MECOM: variants seen among roughly 807,000 people sequenced by gnomAD.
MECOM encodes histone-lysine N-methyltransferase MECOM.
In MECOM, 13 loss-of-function variants were observed where a neutral mutation model predicts 116.3. The observed-to-expected ratio is 0.11, with a 90% CI of 0.07 to 0.18. MECOM has a LOEUF of 0.18. Ranked by LOEUF, MECOM falls within the 10% of genes least tolerant of loss-of-function variation. The pLI is 1.00. For missense variants in MECOM, 1,299 were observed against 1,509.0 expected (o/e 0.86, Z 2.31); for synonymous variants, 528 against 535.2 (o/e 0.99, Z 0.19).
At chr3:169,496,839 T>C (rs973350396) in intron 1 of MECOM, among the ~76,000 whole-genome samples, 1 of 152,192 alleles carries the variant, frequency 6.6e-6, no homozygotes, top group African/African-American at 2.4e-5. Flanking sequence ...TTTCTAAACA[T>C]ATGGTAATGA....
At chr3:169,275,369 C>T (rs929790980) in intron 2 of MECOM, among the ~76,000 whole-genome samples, 3 of 152,154 alleles carry the variant, frequency 2.0e-5, no homozygotes, top group Non-Finnish European at 4.4e-5. Flanking sequence ...GATATTTATA[C>T]ACATTTTTAT....
intron 2 of MECOM, among the ~76,000 whole-genome samples, chr3:169,226,146 C>G (rs1391437224): frequency 6.6e-6 from 1 of 152,208 alleles, no homozygotes; most frequent in Non-Finnish European, 1.5e-5. Flanking sequence ...AAAGTATTCT[C>G]TCACCACCCC....
chr3:169,530,026 T>G (rs1013290131), intron 1 of MECOM, among the ~76,000 whole-genome samples: 10 of 152,220 alleles, frequency 6.6e-5, no homozygotes, highest in African/African-American at 2.4e-4. Flanking sequence ...CAAATTGGTA[T>G]GAAGAACAAA....
rs1037703519 is a variant in MECOM at position 169,474,026 on chromosome 3, G to A, written c.38-92502C>T. ...CAGGACAGATTGGGTCAGTAGCTTA[G>A]GTAGAAATGGTCCAGGTTTGAGAAT... is the stretch of plus-strand genomic sequence containing the variant. On this transcript the variant is annotated intron_variant, in intron 1 of 16. Coordinates refer to ENST00000651503, the MANE Select transcript of MECOM (RefSeq NM_004991.4). 9.9e-5 allele frequency among the ~76,000 whole-genome samples: 15 copies of A among 152,206 alleles called. No individual in the cohort carries two copies. The East Asian group carries it at 1.5e-3, about 16-fold the overall frequency.
Position 169,344,855 on chromosome 3 carries a change from C to G in MECOM, c.375+36332G>C, listed in dbSNP as rs1413167006. ...TTCCTGTCAACCTTTGATCCCTTCA[C>G]CTGTATTAAAGGACAGCCAGAGGAA... On this transcript the variant is annotated intron_variant, in intron 2 of 16. Transcript: ENST00000651503. Among the ~76,000 whole-genome samples the G allele has an allele frequency of 2.6e-5, 4 of 152,214 alleles. No homozygotes were observed. In the East Asian group the frequency reaches 7.7e-4, roughly 29 times the overall value.
At chr3:169,421,737 T>C (rs1317364875) in intron 1 of MECOM, among the ~76,000 whole-genome samples, 2 of 152,126 alleles carry the variant, frequency 1.3e-5, no homozygotes, top group Admixed American at 1.3e-4. Context: ...TACAATTCTT[T>C]TCTGCATTAC....
intron 2 of MECOM, among the ~76,000 whole-genome samples, chr3:169,176,445 A>T (rs1432750245): frequency 6.6e-6 from 1 of 152,206 alleles, no homozygotes; most frequent in African/African-American, 2.4e-5. Context: ...CTCCTTCCTT[A>T]CACCTTATAC....
intron 1 of MECOM, among the ~76,000 whole-genome samples, chr3:169,412,546 A>C (rs1737732822): frequency 6.6e-6 from 1 of 152,062 alleles, no homozygotes; most frequent in African/African-American, 2.4e-5. Context: ...TTTTCATAGA[A>C]GGATTTTCCC....
intron 1 of MECOM, among the ~76,000 whole-genome samples, chr3:169,547,222 T>C (rs1258900073): frequency 6.6e-6 from 1 of 152,168 alleles, no homozygotes; most frequent in Non-Finnish European, 1.5e-5. Flanking sequence ...CTTCCCCCTT[T>C]GTGCTGTCTC....
rs1776597208 is a variant in MECOM, at chr3:169,663,482, C to G, written c.-110G>C. The G allele has an allele frequency of 5.9e-5, 6 of 102,396 alleles. No individual in the cohort carries two copies. The highest frequency in any genetic ancestry group is 9.2e-5 in the Non-Finnish European group (5 of 54,138). The allele number at this position is 102,396 out of a possible 1,614,324, so 6.3% of individuals were successfully genotyped here. A position where few individuals can be genotyped will look rare whatever the true frequency, so the allele number is the denominator to read the frequency against. On this transcript the variant is annotated 5_prime_UTR_variant, in exon 1 of 17. Transcript: ENST00000651503. ...CCCTCCCTCTCTCTCCTGTCTCTCT[C>G]TCTCTCTCTCTCTCTCTCTCTCTCT...
intron 2 of MECOM, chr3:169,146,363 T>C (rs1166754270): frequency 7.3e-7 from 1 of 1,364,234 alleles, no homozygotes; most frequent in Non-Finnish European, 9.7e-7. Context: ...AATTCAGATT[T>C]TGGCAACCGC....
At chr3:169,532,126 T>C (rs985109006) in intron 1 of MECOM, among the ~76,000 whole-genome samples, 4 of 152,246 alleles carry the variant, frequency 2.6e-5, no homozygotes, top group Non-Finnish European at 4.4e-5. Flanking sequence ...CCACTTTCCC[T>C]AGACCAGTGT....
chr3:169,093,086 C>G lies in MECOM; in HGVS notation c.3036G>C (p.Ser1012=). Residue 1012 remains serine (S), a synonymous_variant, in exon 14 of 17, where the codon TCG becomes TCC. Coordinates refer to ENST00000651503, the MANE Select transcript of MECOM (RefSeq NM_004991.4). ...CTGTACTTTCCAGTTCAGAATGAGG[C>G]GACGATGTTGCTGTACCTGTGTGGA... is the stretch of plus-strand genomic sequence containing the variant. ...NGNMSGTATS[S]PHSELESTGA... The G allele has an allele frequency of 6.2e-7, 1 of 1,610,988 alleles. No homozygotes were observed. Among genetic ancestry groups the G allele is most frequent in the Non-Finnish European group, 8.5e-7 (1 of 1,178,640 alleles).
intron 2 of MECOM, among the ~76,000 whole-genome samples, chr3:169,188,654 T>C (rs1289265068): frequency 6.6e-6 from 1 of 152,108 alleles, no homozygotes; most frequent in Non-Finnish European, 1.5e-5. Context: ...GGTCTGCTGC[T>C]GCCATGACTC....
intron 2 of MECOM, among the ~76,000 whole-genome samples, chr3:169,319,722 T>C (rs1453618192): frequency 1.3e-5 from 2 of 152,166 alleles, no homozygotes; most frequent in Admixed American, 1.3e-4. Context: ...TGTGAGAAAG[T>C]GGGAAAGTTA....
intron 1 of MECOM, among the ~76,000 whole-genome samples, chr3:169,587,211 A>C (rs1489787178): frequency 6.6e-6 from 1 of 152,194 alleles, no homozygotes; most frequent in Non-Finnish European, 1.5e-5. Flanking sequence ...TTCACTGCCC[A>C]ATATTTCCTG....
chr3:169,590,123 T>C (rs1766236468), intron 1 of MECOM, among the ~76,000 whole-genome samples: 1 of 152,230 alleles, frequency 6.6e-6, no homozygotes, highest in African/African-American at 2.4e-5. Flanking sequence ...TTTGTTTTTG[T>C]TTTGGATTTC....
intron 1 of MECOM, among the ~76,000 whole-genome samples, chr3:169,525,304 G>A (rs1230318184): frequency 6.6e-6 from 1 of 152,194 alleles, no homozygotes; most frequent in African/African-American, 2.4e-5. Context: ...TAGTATTACA[G>A]TATTGAGCTA....
At chr3:169,369,938 G>A (rs1729812548) in intron 2 of MECOM, among the ~76,000 whole-genome samples, 1 of 151,814 alleles carries the variant, frequency 6.6e-6, no homozygotes, top group Admixed American at 6.6e-5. Context: ...CTTTTGGATA[G>A]CTGGTAGTCT....
Sources: allele counts gnomAD v4.1 joint callset (sites outside exome capture counted in the v4.1 genomes callset), GRCh38; gene constraint gnomAD v4.1.1; transcripts MANE v1.5; gene names NCBI Gene and HGNC (gene_info 2026-07-23, HGNC 2026-07-21).